The following VPS37A variants were observed in gnomAD, a reference collection of about 807,000 sequenced individuals.
VPS37A encodes VPS37A subunit of ESCRT-I.
Under a neutral mutation model 49.8 loss-of-function variants are expected in VPS37A, and 30 were observed. The observed-to-expected ratio is 0.60, with a 90% CI of 0.45 to 0.82. The LOEUF (loss-of-function observed/expected upper bound fraction) is 0.82, where lower values mean the gene tolerates loss of function less well. Among genes scored for constraint, VPS37A ranks in the 40% least tolerant of loss-of-function variants. VPS37A has a pLI of 0.00. For missense variants in VPS37A, 593 were observed against 464.4 expected, an observed-to-expected ratio of 1.28 and a Z score of -2.55; for synonymous variants, 195 against 160.6, an observed-to-expected ratio of 1.21 and a Z score of -1.62.
downstream of VPS37A, chr8:17,299,629 G>C: frequency 1.8e-6 from 1 of 544,194 alleles, no homozygotes; most frequent in Non-Finnish European, 3.2e-6. Context: ...CATAGTCTAG[G>C]GTGAGCTTCA....
intron 4 of VPS37A, among the ~76,000 whole-genome samples, chr8:17,271,579 C>G (rs1420222392): frequency 6.6e-6 from 1 of 151,962 alleles, no homozygotes; most frequent in Admixed American, 6.5e-5. Context: ...GCATTCCAGC[C>G]TGGGTGACAG....
chr8:17,279,982 A>C (rs1814887546), intron 6 of VPS37A, 46 bp from the exon 7 acceptor site: 1 of 1,605,618 alleles, frequency 6.2e-7, no homozygotes, highest in Admixed American at 1.7e-5. Flanking sequence ...ATGGAGAAAA[A>C]CTCGATGTCT....
At chr8:17,313,704 G>A in the VPS37A span, among the ~76,000 whole-genome samples, 1 of 152,044 alleles carries the variant, frequency 6.6e-6, no homozygotes, top group African/African-American at 2.4e-5. Context: ...AGAAAATATC[G>A]ATTTGCCTTT....
At chr8:17,274,568 TTTATA>T (rs1244195556) in intron 4 of VPS37A, among the ~76,000 whole-genome samples, 160 bp from the exon 5 acceptor site, 1 of 152,176 alleles carries the variant, frequency 6.6e-6, no homozygotes, top group Non-Finnish European at 1.5e-5. Context: ...ATTTTACCAC[TTTATA>T]TAATATTTAA....
chr8:17,266,113 T>G, intron 2 of VPS37A, 132 bp downstream of exon 2: 1 of 754,746 alleles, frequency 1.3e-6, no homozygotes, highest in Non-Finnish European at 2.1e-6. Flanking sequence ...TAGTGCACAA[T>G]TCAGTGAAAT....
the VPS37A span, among the ~76,000 whole-genome samples, chr8:17,314,928 C>G: frequency 3.3e-5 from 5 of 152,108 alleles, no homozygotes; most frequent in African/African-American, 4.8e-5. Context: ...CACTATGTGT[C>G]TGATAAAGTA....
chr8:17,299,471 T>C, downstream of VPS37A: 1 of 175,060 alleles, frequency 5.7e-6, no homozygotes, highest in Admixed American at 5.4e-5. Flanking sequence ...AATATGCATC[T>C]AGAAGTGAAC....
chr8:17,311,075 C>T, the VPS37A span, among the ~76,000 whole-genome samples: 1 of 152,144 alleles, frequency 6.6e-6, no homozygotes, highest in Non-Finnish European at 1.5e-5. Context: ...AAAAAACATA[C>T]CCTGGAAGTG....
chr8:17,270,636 A>G (rs1169812036), intron 4 of VPS37A, among the ~76,000 whole-genome samples: 1 of 152,190 alleles, frequency 6.6e-6, no homozygotes. Context: ...GGGGAGGGAA[A>G]GTAGACTTCA....
chr8:17,327,348 G>A, the VPS37A span, among the ~76,000 whole-genome samples: 3 of 152,262 alleles, frequency 2.0e-5, no homozygotes, highest in African/African-American at 2.4e-5. Context: ...ATGGCTTACT[G>A]CAGCCTCAAC....
chr8:17,255,764 C>T (rs111533669), intron 1 of VPS37A, among the ~76,000 whole-genome samples: 4,017 of 152,174 alleles, frequency 0.026, 187 homozygotes, highest in African/African-American at 0.092. Context: ...TGTGGATCTA[C>T]TTTTTTAGCT....
At chr8:17,261,719 C>T (rs566882153) in intron 1 of VPS37A, among the ~76,000 whole-genome samples, 1 of 152,266 alleles carries the variant, frequency 6.6e-6, no homozygotes, top group Admixed American at 6.5e-5. Context: ...TGGAGCAGTG[C>T]CCATCTCTAA....
chr8:17,299,893 T>A (rs777837099), downstream of VPS37A: 2 of 1,614,118 alleles, frequency 1.2e-6, no homozygotes, highest in Admixed American at 3.3e-5. Flanking sequence ...TTCATCAGAA[T>A]CCCGGTCCTT....
the VPS37A span, among the ~76,000 whole-genome samples, chr8:17,310,418 T>C: frequency 6.6e-6 from 1 of 152,200 alleles, no homozygotes; most frequent in East Asian, 1.9e-4. Context: ...AAGTCTGTTC[T>C]TGACAACTCG....
At chr8:17,323,021 C>G in the VPS37A span, among the ~76,000 whole-genome samples, 1 of 138,098 alleles carries the variant, frequency 7.2e-6, no homozygotes, top group Non-Finnish European at 1.5e-5. Context: ...GATCTCGGCT[C>G]ACTGTAACCT....
At chr8:17,300,357 T>C, downstream of VPS37A, 1 of 1,017,866 alleles carries the variant, frequency 9.8e-7, no homozygotes, top group Non-Finnish European at 1.4e-6. Context: ...GGGATGTGAG[T>C]TCAAACCTGG....
chr8:17,269,069 C>A, intron 4 of VPS37A, 113 bp downstream of exon 4: 1 of 698,262 alleles, frequency 1.4e-6, no homozygotes. Flanking sequence ...TTCTACATCC[C>A]CACAAATACA....
At chr8:17,272,437 C>T (rs954214588) in intron 4 of VPS37A, among the ~76,000 whole-genome samples, 1 of 152,168 alleles carries the variant, frequency 6.6e-6, no homozygotes, top group Non-Finnish European at 1.5e-5. Flanking sequence ...AGTAATAGGG[C>T]TGGATATAAA....
the VPS37A span, among the ~76,000 whole-genome samples, chr8:17,329,168 T>G: frequency 6.6e-6 from 1 of 152,180 alleles, no homozygotes; most frequent in African/African-American, 2.4e-5. Context: ...AAGTGACCAG[T>G]AGTATGAGCC....
Sources: allele counts gnomAD v4.1 joint callset (sites outside exome capture counted in the v4.1 genomes callset), GRCh38; gene constraint gnomAD v4.1.1; transcripts MANE v1.5; gene names NCBI Gene and HGNC (gene_info 2026-07-23, HGNC 2026-07-21).